ZNF141: variants seen among roughly 807,000 people sequenced by gnomAD.
ZNF141 encodes zinc finger protein 141 (clone pHZ-44).
ZNF141 carries 7 observed loss-of-function variants against 11.3 expected under a neutral mutation model. The ratio of observed to expected loss-of-function variants is 0.62; its 90% CI spans 0.35 to 1.16. The LOEUF (loss-of-function observed/expected upper bound fraction) is 1.16. ZNF141 is among the 50% of genes most tolerant of loss of function. The probability of loss-of-function intolerance (pLI) is 0.02; values close to 1 mark genes in which losing one functional copy is unlikely to be tolerated. For synonymous variants in ZNF141, 183 were observed against 190.7 expected (o/e 0.96, Z 0.33); for missense variants, 535 against 554.0 (o/e 0.97, Z 0.34).
chr4:368,147 AT>A (rs1711838217), intron 3 of ZNF141, among the ~76,000 whole-genome samples: 1 of 152,102 alleles, frequency 6.6e-6, no homozygotes, highest in Non-Finnish European at 1.5e-5. Context: ...TGGCTGACTT[AT>A]TTTGTGTTAC....
In ZNF141 at chr4:354,111, C is replaced by T. The variant is rs557697422; in HGVS notation, c.226+9681C>T. Among the ~76,000 whole-genome samples the T allele has an allele frequency of 6.6e-5, 10 of 152,308 alleles. No individual in the cohort carries two copies. The South Asian group carries it at 2.1e-3, about 32-fold the overall frequency. ...AACCTGTTTTCTCCAGTAGAATAGGCTTCTGGATCACCTGACCATCTCATC... is the reference window on the plus strand; with the variant it reads ...AACCTGTTTTCTCCAGTAGAATAGGTTTCTGGATCACCTGACCATCTCATC... On this transcript the variant is annotated intron_variant, in intron 3 of 3. Transcript: ENST00000240499.
intron 3 of ZNF141, among the ~76,000 whole-genome samples, chr4:355,349 G>A (rs905109432): frequency 8.6e-5 from 13 of 151,908 alleles, no homozygotes; most frequent in Non-Finnish European, 1.2e-4. Flanking sequence ...GGGATTACAG[G>A]TGCCCACCAT....
rs1219071413 is a variant in ZNF141 at position 375,733 on chromosome 4, CAA to C, written c.*1873_*1874del. Among the ~76,000 whole-genome samples, 2 of 152,022 alleles carry C rather than the reference CAA, an allele frequency of 1.3e-5. No homozygotes were observed. Among genetic ancestry groups the C allele is most frequent in the African/African-American group, 2.4e-5 (1 of 41,430 alleles). On this transcript the variant is annotated 3_prime_UTR_variant, in exon 4 of 4. Coordinates refer to ENST00000240499, the MANE Select transcript of ZNF141 (RefSeq NM_003441.4). ...AAAGCATATAATAGTTAATTCAACT[CAA>C]ATTATTTCATACTGTTTCAACATTC...
intron 3 of ZNF141, among the ~76,000 whole-genome samples, chr4:356,084 A>G (rs1553851168): frequency 1.3e-5 from 2 of 151,760 alleles, no homozygotes; most frequent in African/African-American, 4.8e-5. Context: ...GACAAAAACT[A>G]GCCGGGTGCG....
At chr4:344,913 A>C (rs1721248786) in intron 3 of ZNF141, among the ~76,000 whole-genome samples, 1 of 152,212 alleles carries the variant, frequency 6.6e-6, no homozygotes, top group African/African-American at 2.4e-5. Context: ...CTTCTGTTCC[A>C]TGCTGTTAAA....
intron 3 of ZNF141, chr4:350,252 A>C (rs782128861): frequency 1.9e-6 from 1 of 533,384 alleles, no homozygotes; most frequent in Non-Finnish European, 3.9e-6. Flanking sequence ...TGCTTATTCT[A>C]AATAACCCTC....
At chr4:369,754 ATATATATATATTT>A (rs1163068588) in intron 3 of ZNF141, among the ~76,000 whole-genome samples, 7 of 35,496 alleles carry the variant, frequency 2.0e-4, no homozygotes, top group African/African-American at 7.5e-4. Context: ...ATATATATAT[ATATATATATATTT>A]TTTTTTTTTT....
intron 3 of ZNF141, among the ~76,000 whole-genome samples, chr4:364,879 C>T (rs1225401139): frequency 1.3e-5 from 2 of 149,990 alleles, no homozygotes; most frequent in Admixed American, 6.6e-5. Context: ...TCATACAGGA[C>T]GATTAAATCT....
chr4:351,762 G>A lies in ZNF141; in HGVS notation c.226+7332G>A, dbSNP rs1553850478. Among the ~76,000 whole-genome samples the A allele has an allele frequency of 2.6e-5, 4 of 152,076 alleles. No individual in the cohort carries two copies. In the South Asian group the frequency reaches 8.3e-4, roughly 31 times the overall value. On this transcript the variant is annotated intron_variant, in intron 3 of 3. Transcript: ENST00000240499. ...GCCAAAGCAGGTCATCAATAGCCCCGTAATGTGTTGCTGGTGAACCTTTCT... is the reference window on the plus strand; with the variant it reads ...GCCAAAGCAGGTCATCAATAGCCCCATAATGTGTTGCTGGTGAACCTTTCT...
At chr4:372,216 A>G (rs113780547) in intron 3 of ZNF141, among the ~76,000 whole-genome samples, 61 of 152,360 alleles carry the variant, frequency 4.0e-4, no homozygotes, top group African/African-American at 9.9e-4. Context: ...CACCATTTCT[A>G]TCAGCACTCT....
At chr4:370,454 T>A (rs1712000200) in intron 3 of ZNF141, among the ~76,000 whole-genome samples, 1 of 152,156 alleles carries the variant, frequency 6.6e-6, no homozygotes, top group Non-Finnish European at 1.5e-5. Context: ...TTGAAAGGCC[T>A]TTACTTTTTC....
At chr4:342,393 T>C (rs1312713486) in intron 1 of ZNF141, among the ~76,000 whole-genome samples, 1 of 152,202 alleles carries the variant, frequency 6.6e-6, no homozygotes, top group African/African-American at 2.4e-5. Flanking sequence ...GGTCTTGGGA[T>C]GAAAAGTATT....
At chr4:346,030 T>C (rs1553849455) in intron 3 of ZNF141, among the ~76,000 whole-genome samples, 1 of 152,222 alleles carries the variant, frequency 6.6e-6, no homozygotes, top group Admixed American at 6.5e-5. Flanking sequence ...GAGATGTATC[T>C]CTCTGTAGCT....
intron 3 of ZNF141, among the ~76,000 whole-genome samples, chr4:352,811 C>G (rs1403191096): frequency 1.3e-5 from 2 of 151,970 alleles, no homozygotes; most frequent in Non-Finnish European, 2.9e-5. Context: ...ATCGTTTTTG[C>G]TAAGTTCTGT....
chr4:349,478 C>G (rs1026561931), intron 3 of ZNF141, among the ~76,000 whole-genome samples: 25 of 152,174 alleles, frequency 1.6e-4, no homozygotes, highest in Admixed American at 8.5e-4. Flanking sequence ...TGTTTTGATA[C>G]AAACTTCCAG....
Position 383,269 on chromosome 4 carries a change from C to G in ZNF141, c.*9407C>G. The G allele has an allele frequency of 1.6e-6, 1 of 633,706 alleles. No homozygotes were observed. Among genetic ancestry groups the G allele is most frequent in the South Asian group, 1.8e-5 (1 of 55,378 alleles). 39.3% of individuals were successfully genotyped at this position (633,706 alleles called of 1,614,324 possible). On this transcript the variant is annotated 3_prime_UTR_variant, in exon 4 of 4. Transcript: ENST00000240499. ...GCCAAACTGAGCCCAGAAGAATGGC[C>G]CGGCTGAGCCCAGCCTAAATTTCTA...
chr4:361,771 C>G (rs552843624), intron 3 of ZNF141, among the ~76,000 whole-genome samples: 2 of 152,304 alleles, frequency 1.3e-5, no homozygotes, highest in East Asian at 3.9e-4. Flanking sequence ...TTAATCCAGT[C>G]TATCATTGAT....
chr4:370,713 T>C (rs1712012564), intron 3 of ZNF141, among the ~76,000 whole-genome samples: 1 of 152,174 alleles, frequency 6.6e-6, no homozygotes, highest in African/African-American at 2.4e-5. Context: ...TTGTATATCC[T>C]AGTTGAAGTT....
chr4:360,730 T>C (rs1553852011), intron 3 of ZNF141, among the ~76,000 whole-genome samples: 1 of 152,190 alleles, frequency 6.6e-6, no homozygotes, highest in African/African-American at 2.4e-5. Flanking sequence ...TATACATAAA[T>C]ATATATGTGA....
Sources: gnomAD v4.1 joint callset for allele counts (sites outside exome capture counted in the v4.1 genomes callset) on GRCh38, gnomAD v4.1.1 for gene constraint, MANE v1.5 for transcripts, NCBI Gene and HGNC (gene_info 2026-07-23, HGNC 2026-07-21) for gene names.